Variants in TRPM3 observed in about 807,000 individuals in gnomAD.
TRPM3 encodes the protein transient receptor potential cation channel subfamily M member 3, also known as long transient receptor potential channel 3.
A neutral mutation model predicts 181.2 loss-of-function variants in TRPM3; 77 were observed. The ratio of observed to expected loss-of-function variants is 0.42; its 90% CI spans 0.35 to 0.51. TRPM3 has a LOEUF of 0.51. Ranked by LOEUF, TRPM3 falls within the 20% of genes least tolerant of loss-of-function variation. TRPM3 has a pLI of 0.01. For synonymous variants in TRPM3, 745 were observed against 796.4 expected, an observed-to-expected ratio of 0.94 and a Z score of 1.09; for missense variants, 1,759 against 2,196.7, an observed-to-expected ratio of 0.80 and a Z score of 3.98.
At chr9:71,418,626 T>G (rs2093674032) in intron 1 of TRPM3, among the ~76,000 whole-genome samples, 1 of 151,506 alleles carries the variant, frequency 6.6e-6, no homozygotes, top group African/African-American at 2.4e-5. Context: ...AAATAATCAA[T>G]CATCACTAGT....
intron 1 of TRPM3, among the ~76,000 whole-genome samples, chr9:71,336,353 T>C (rs574167464): frequency 2.0e-5 from 3 of 152,172 alleles, no homozygotes; most frequent in South Asian, 2.1e-4. Flanking sequence ...CCATTCACAA[T>C]TGCTACAAAC....
intron 1 of TRPM3, among the ~76,000 whole-genome samples, chr9:70,866,843 T>C (rs2095659875): frequency 6.6e-6 from 1 of 152,070 alleles, no homozygotes; most frequent in African/African-American, 2.4e-5. Flanking sequence ...GTACTACTTT[T>C]ATATCCATTT....
intron 1 of TRPM3, among the ~76,000 whole-genome samples, chr9:70,886,836 T>G (rs1196190541): frequency 5.3e-5 from 8 of 152,026 alleles, no homozygotes; most frequent in Admixed American, 5.2e-4. Context: ...GGCTAATTTT[T>G]GTATATTTAG....
intron 1 of TRPM3, among the ~76,000 whole-genome samples, chr9:71,280,686 G>A (rs1203243744): frequency 6.6e-6 from 1 of 152,158 alleles, no homozygotes; most frequent in Non-Finnish European, 1.5e-5. Context: ...AAGCCTTTGT[G>A]CAGGTCCTTG....
At chr9:70,810,925 T>G (rs1373233913) in intron 6 of TRPM3, among the ~76,000 whole-genome samples, 1 of 152,176 alleles carries the variant, frequency 6.6e-6, no homozygotes, top group African/African-American at 2.4e-5. Flanking sequence ...GGAACCTAAA[T>G]AAATGCTCAT....
chr9:70,683,500 A>G lies in TRPM3; in HGVS notation c.1273-1922T>C, dbSNP rs1246086321. 7.5e-5 allele frequency among the ~76,000 whole-genome samples: 9 copies of G among 120,204 alleles called. No homozygotes were observed. The Admixed American group carries it at 8.9e-4, about 12-fold the overall frequency. 78.9% of individuals were successfully genotyped at this position (120,204 alleles called of 152,430 possible). ...ATTATGTTGCCCAGGCTGGTCCTGA[A>G]CTCCTGGTCTTGGCCTCCCAAAGTG... On this transcript the variant is annotated intron_variant, in intron 8 of 25. Coordinates refer to ENST00000677713, the MANE Select transcript of TRPM3 (RefSeq NM_001366145.2).
At chr9:71,383,473 T>C (rs2092851751) in intron 1 of TRPM3, among the ~76,000 whole-genome samples, 1 of 152,078 alleles carries the variant, frequency 6.6e-6, no homozygotes, top group Non-Finnish European at 1.5e-5. Flanking sequence ...GGCTGGGGTA[T>C]TTCCTCCCTC....
intron 8 of TRPM3, among the ~76,000 whole-genome samples, chr9:70,745,957 C>T (rs1217915965): frequency 5.9e-5 from 9 of 152,094 alleles, no homozygotes; most frequent in African/African-American, 2.2e-4. Flanking sequence ...TCTAATGAGT[C>T]CCTGTAGTTA....
intron 1 of TRPM3, among the ~76,000 whole-genome samples, chr9:71,108,025 C>T (rs1023350219): frequency 1.3e-5 from 2 of 152,142 alleles, no homozygotes; most frequent in East Asian, 1.9e-4. Context: ...AAGGCATTTA[C>T]GGGGACATCT....
At chr9:71,297,267 T>C (rs2086363256) in intron 1 of TRPM3, among the ~76,000 whole-genome samples, 1 of 152,142 alleles carries the variant, frequency 6.6e-6, no homozygotes, top group Non-Finnish European at 1.5e-5. Flanking sequence ...TTTAATAGTA[T>C]AATGGTTGTG....
intron 1 of TRPM3, among the ~76,000 whole-genome samples, chr9:70,914,135 T>C (rs1212271429): frequency 6.6e-6 from 1 of 152,164 alleles, no homozygotes; most frequent in African/African-American, 2.4e-5. Flanking sequence ...AATATTTAGG[T>C]CATGAGAGCT....
intron 1 of TRPM3, among the ~76,000 whole-genome samples, chr9:71,136,109 T>A (rs1177131325): frequency 6.6e-6 from 1 of 152,184 alleles, no homozygotes; most frequent in Non-Finnish European, 1.5e-5. Context: ...GATTAATACA[T>A]CGTCCACGTA....
chr9:70,618,403 G>GATCT (rs572274086), intron 17 of TRPM3, among the ~76,000 whole-genome samples: 1 of 152,204 alleles, frequency 6.6e-6, no homozygotes, highest in Non-Finnish European at 1.5e-5. Flanking sequence ...TTTCCAAGTA[G>GATCT]ATCTATCTCA....
At chr9:71,394,225 A>G (rs1273323460) in intron 1 of TRPM3, among the ~76,000 whole-genome samples, 1 of 152,194 alleles carries the variant, frequency 6.6e-6, no homozygotes, top group Non-Finnish European at 1.5e-5. Context: ...TCTATTATTG[A>G]TGCATCATAA....
intron 1 of TRPM3, among the ~76,000 whole-genome samples, chr9:71,399,816 C>A (rs1244016873): frequency 6.6e-6 from 1 of 152,138 alleles, no homozygotes; most frequent in Non-Finnish European, 1.5e-5. Context: ...CAGGCGTGAG[C>A]CACTGCGCCC....
At chr9:70,916,646 T>C in intron 1 of TRPM3, among the ~76,000 whole-genome samples, 1 of 152,278 alleles carries the variant, frequency 6.6e-6, no homozygotes, top group Middle Eastern at 3.4e-3. Context: ...AAATATACTA[T>C]ATTATTTATT....
In TRPM3 at chr9:71,045,794, C is replaced by T. The variant is rs924791895; in HGVS notation, c.177+75384G>A. Among the ~76,000 whole-genome samples, 10 of 152,200 alleles carry T rather than the reference C, an allele frequency of 6.6e-5. No individual in the cohort carries two copies. The East Asian group carries it at 1.7e-3, about 26-fold the overall frequency. ...ATCCGGTGCTTCCCACAGAGTTTAG[C>T]GTACTATGTAACATTAGTTCTGATG... On this transcript the variant is annotated intron_variant, in intron 1 of 25. Transcript: ENST00000677713.
chr9:70,537,277 AG>A lies in TRPM3; in HGVS notation c.3835del (p.Leu1279TrpfsTer4). The A allele has an allele frequency of 6.3e-7, 1 of 1,577,372 alleles. No homozygotes were observed. The highest frequency in any genetic ancestry group is 8.6e-7 in the Non-Finnish European group (1 of 1,157,118). On this transcript the variant is annotated frameshift_variant, in exon 26 of 26. Coordinates refer to ENST00000677713, the MANE Select transcript of TRPM3 (RefSeq NM_001366145.2). LOFTEE classifies it high-confidence loss of function. ...CCGCTCCAGACCTGTCAGGCGCTCC[AG>A]GGCCGTGGCCATGCGCCCGATAAGG... Reference protein sequence around the residue: ...EDLIGRMATALERLTGLERAE... With the variant: ...EDLIGRMATAXERLTGLERAE...
chr9:70,903,052 G>T (rs941005899), intron 1 of TRPM3, among the ~76,000 whole-genome samples: 8 of 152,126 alleles, frequency 5.3e-5, no homozygotes, highest in Non-Finnish European at 1.2e-4. Flanking sequence ...CACTAGGCTG[G>T]CGAGGGAAAA....
Sources: allele counts gnomAD v4.1 joint callset (sites outside exome capture counted in the v4.1 genomes callset), GRCh38; gene constraint gnomAD v4.1.1; transcripts MANE v1.5; gene names NCBI Gene and HGNC (gene_info 2026-07-23, HGNC 2026-07-21).